The following CHN2 variants were observed in gnomAD, a reference collection of about 807,000 sequenced individuals.
CHN2 encodes chimerin 2.
In CHN2, 35 loss-of-function variants were observed where a neutral mutation model predicts 56.3. The observed-to-expected ratio is 0.62, with a 90% CI of 0.47 to 0.82. The LOEUF (loss-of-function observed/expected upper bound fraction) is 0.82, where lower values mean the gene tolerates loss of function less well. Among genes scored for constraint, CHN2 ranks in the 40% least tolerant of loss-of-function variants. The pLI, the probability that CHN2 is intolerant of heterozygous loss-of-function variation, is 0.00. For synonymous variants in CHN2, 210 were observed against 212.8 expected (o/e 0.99, Z 0.12); for missense variants, 491 against 580.5 (o/e 0.85, Z 1.58).
In CHN2 at chr7:29,400,581, A is replaced by G. The variant is rs1448910992; in HGVS notation, c.329A>G (p.Asp110Gly). ...ACCTTAAACTACAGGCTCTTCCACG[A>G]CGGGAAACACTTTGTGGGTGAGAAG... ...NQTLNYRLFH[D>G]GKHFVGEKRF... The change falls in exon 6 of 13, where the codon GAC (aspartate) becomes GGC (glycine). Residue 110 changes from aspartate (D) to glycine (G), a missense_variant. Asp to Gly is a moderately conservative substitution (Grantham distance 94, BLOSUM62 -1). Coordinates refer to ENST00000222792, the MANE Select transcript of CHN2 (RefSeq NM_004067.4). 1 of 1,614,176 alleles carries G rather than the reference A, an allele frequency of 6.2e-7. No individual in the cohort carries two copies. The highest frequency in any genetic ancestry group is 2.2e-5 in the East Asian group (1 of 44,884).
At chr7:29,274,755 T>C (rs1231907079) in intron 1 of CHN2, among the ~76,000 whole-genome samples, 2 of 152,230 alleles carry the variant, frequency 1.3e-5, no homozygotes, top group African/African-American at 4.8e-5. Context: ...CACAGGAATA[T>C]CATTTTTAAT....
chr7:29,274,708 A>G (rs1033651080), intron 1 of CHN2, among the ~76,000 whole-genome samples: 6 of 151,268 alleles, frequency 4.0e-5, no homozygotes, highest in Non-Finnish European at 7.3e-5. Flanking sequence ...AAGCTATTAA[A>G]ACAAACAAAA....
chr7:29,276,786 T>C (rs1791256383), intron 1 of CHN2, among the ~76,000 whole-genome samples: 2 of 152,204 alleles, frequency 1.3e-5, no homozygotes, highest in African/African-American at 2.4e-5. Context: ...TAGATCATTA[T>C]ATATGATGCC....
At chr7:29,425,958 C>T (rs1270924847) in intron 6 of CHN2, among the ~76,000 whole-genome samples, 3 of 151,880 alleles carry the variant, frequency 2.0e-5, no homozygotes, top group African/African-American at 7.3e-5. Context: ...CACCTGTAAT[C>T]CCAGCACTTT....
intron 2 of CHN2, among the ~76,000 whole-genome samples, chr7:29,178,421 C>T (rs566537510): frequency 7.2e-5 from 11 of 152,274 alleles, no homozygotes; most frequent in African/African-American, 2.6e-4. Context: ...GCTCCACTGG[C>T]CGCCTTTCCT....
chr7:29,239,724 C>T (rs376039414), intron 1 of CHN2, among the ~76,000 whole-genome samples: 1 of 152,144 alleles, frequency 6.6e-6, no homozygotes, highest in Non-Finnish European at 1.5e-5. Context: ...TGCTTGGATT[C>T]TCTTGCTGAG....
rs1260394077 is a variant in CHN2, at chr7:29,222,470, GGC to G, written c.49+27481_49+27482del. On this transcript the variant is annotated intron_variant, in intron 1 of 12. Coordinates refer to ENST00000222792, the MANE Select transcript of CHN2 (RefSeq NM_004067.4). ...TACCTGACTTCAAACTATACTACAAGGCTACAGTAACCAAAACAGCACAGACA... is the reference window on the plus strand; with the variant it reads ...TACCTGACTTCAAACTATACTACAAGTACAGTAACCAAAACAGCACAGACA... 2.5e-5 allele frequency among the ~76,000 whole-genome samples: 3 copies of G among 118,802 alleles called. No individual in the cohort carries two copies. In the East Asian group the frequency reaches 8.4e-4, roughly 33 times the overall value. The allele number at this position is 118,802 out of a possible 152,430, so 77.9% of individuals were successfully genotyped here.
At chr7:29,353,526 A>G (rs1360383884) in intron 1 of CHN2, among the ~76,000 whole-genome samples, 1 of 152,158 alleles carries the variant, frequency 6.6e-6, no homozygotes, top group Admixed American at 6.5e-5. Flanking sequence ...GTGGTGGCGC[A>G]CACCTGTAAT....
chr7:29,317,361 G>A (rs1329752229), intron 1 of CHN2, among the ~76,000 whole-genome samples: 1 of 152,154 alleles, frequency 6.6e-6, no homozygotes, highest in Non-Finnish European at 1.5e-5. Flanking sequence ...GTCAGAATTG[G>A]GGAAGAATCT....
chr7:29,408,042 T>A (rs1194820119), intron 6 of CHN2, among the ~76,000 whole-genome samples: 1 of 151,706 alleles, frequency 6.6e-6, no homozygotes, highest in Non-Finnish European at 1.5e-5. Context: ...ACAAAAAAAT[T>A]AGCCAGGCAC....
At chr7:29,186,951 A>G (rs1798788744) in intron 2 of CHN2, among the ~76,000 whole-genome samples, 1 of 152,160 alleles carries the variant, frequency 6.6e-6, no homozygotes, top group Non-Finnish European at 1.5e-5. Context: ...ATATTATATA[A>G]GTTTTCTAGC....
chr7:29,445,854 T>C (rs1301015791), intron 6 of CHN2, among the ~76,000 whole-genome samples: 1 of 152,166 alleles, frequency 6.6e-6, no homozygotes, highest in Non-Finnish European at 1.5e-5. Flanking sequence ...TTAGTCATCA[T>C]GGTAGTACCA....
intron 1 of CHN2, among the ~76,000 whole-genome samples, chr7:29,309,224 G>T (rs1387323335): frequency 6.6e-6 from 1 of 152,150 alleles, no homozygotes; most frequent in African/African-American, 2.4e-5. Context: ...TTGGCCTACG[G>T]TTCAAAAAGT....
chr7:29,507,635 T>C (rs1180768056), intron 11 of CHN2, among the ~76,000 whole-genome samples: 2 of 152,136 alleles, frequency 1.3e-5, no homozygotes, highest in South Asian at 2.1e-4. Context: ...GCCTATTATA[T>C]GTTGAAAGCA....
At chr7:29,249,150 C>G (rs1788298547) in intron 1 of CHN2, among the ~76,000 whole-genome samples, 1 of 152,124 alleles carries the variant, frequency 6.6e-6, no homozygotes, top group African/African-American at 2.4e-5. Flanking sequence ...CCCATGACAG[C>G]CCATCTGCAA....
intron 7 of CHN2, among the ~76,000 whole-genome samples, chr7:29,485,365 CAG>C (rs924637182): frequency 5.9e-5 from 9 of 152,248 alleles, no homozygotes; most frequent in African/African-American, 1.9e-4. Context: ...ATGCTAAGGA[CAG>C]GGCTCTGTGC....
chr7:29,177,917 A>G (rs962453499), intron 2 of CHN2, among the ~76,000 whole-genome samples: 3 of 152,136 alleles, frequency 2.0e-5, no homozygotes, highest in African/African-American at 7.2e-5. Flanking sequence ...CATGTCCGAA[A>G]CACAACCCTC....
intron 6 of CHN2, among the ~76,000 whole-genome samples, chr7:29,464,335 G>A (rs750211222): frequency 1.3e-5 from 2 of 152,158 alleles, no homozygotes; most frequent in Non-Finnish European, 2.9e-5. Context: ...TGACATGCCT[G>A]TAATCCTCCA....
At chr7:29,167,783 T>A (rs1396073516) in intron 2 of CHN2, among the ~76,000 whole-genome samples, 1 of 152,228 alleles carries the variant, frequency 6.6e-6, no homozygotes, top group African/African-American at 2.4e-5. Context: ...TCCAAGCACA[T>A]AGTAGAAGGA....
Sources: allele counts gnomAD v4.1 joint callset (sites outside exome capture counted in the v4.1 genomes callset), GRCh38; gene constraint gnomAD v4.1.1; transcripts MANE v1.5; gene names NCBI Gene and HGNC (gene_info 2026-07-23, HGNC 2026-07-21).